Variants in FRY observed in about 807,000 individuals in gnomAD.
The protein encoded by FRY is FRY microtubule binding protein.
A neutral mutation model predicts 348.4 loss-of-function variants in FRY; 128 were observed. The ratio of observed to expected loss-of-function variants is 0.37; its 90% CI spans 0.32 to 0.43. The LOEUF (loss-of-function observed/expected upper bound fraction) is 0.43. FRY is among the 20% of genes least tolerant of loss of function. The pLI, the probability that FRY is intolerant of heterozygous loss-of-function variation, is 1.00. For missense variants in FRY, 2,736 were observed against 3,695.2 expected, an observed-to-expected ratio of 0.74 and a Z score of 6.73; for synonymous variants, 1,370 against 1,374.7, an observed-to-expected ratio of 1.00 and a Z score of 0.08.
intron 1 of FRY, among the ~76,000 whole-genome samples, chr13:32,066,727 A>C (rs1312624444): frequency 6.6e-6 from 1 of 152,100 alleles, no homozygotes; most frequent in South Asian, 2.1e-4. Flanking sequence ...CCCAATTTAC[A>C]CAGCAACATG....
intron 8 of FRY, 24 bp downstream of exon 8, chr13:32,131,864 A>G: frequency 6.3e-7 from 1 of 1,588,976 alleles, no homozygotes; most frequent in Non-Finnish European, 8.6e-7. Context: ...CAGGAGAGCT[A>G]AGGTGCTCTC....
chr13:32,079,461 A>G (rs1185831736), intron 2 of FRY, among the ~76,000 whole-genome samples: 1 of 152,138 alleles, frequency 6.6e-6, no homozygotes, highest in African/African-American at 2.4e-5. Context: ...GTGGACTTCG[A>G]GTTTGAGAAG....
intron 1 of FRY, among the ~76,000 whole-genome samples, chr13:32,057,555 T>C (rs1277320823): frequency 1.3e-5 from 2 of 152,104 alleles, no homozygotes; most frequent in Admixed American, 6.6e-5. Flanking sequence ...CTAAGAACAG[T>C]CCTCCCAGAA....
chr13:32,231,061 G>A (rs1159762082), intron 40 of FRY, 118 bp from the exon 41 acceptor site: 2 of 782,886 alleles, frequency 2.6e-6, no homozygotes, highest in African/African-American at 3.5e-5. Flanking sequence ...ATCTTTGTCA[G>A]ATGCATAGAT....
intron 38 of FRY, 91 bp downstream of exon 38, chr13:32,225,127 T>C: frequency 1.3e-6 from 1 of 794,478 alleles, no homozygotes; most frequent in East Asian, 2.5e-5. Context: ...TGACATCCTG[T>C]TTGACTCATT....
In FRY at chr13:32,127,711, G is replaced by C. The variant is rs548719769; in HGVS notation, c.716+2836G>C. Among the ~76,000 whole-genome samples the C allele has an allele frequency of 2.9e-3, 438 of 152,118 alleles. 2 individuals are homozygous for C. Among genetic ancestry groups the C allele is most frequent in the African/African-American group, 9.9e-3 (412 of 41,500 alleles). On this transcript the variant is annotated intron_variant, in intron 7 of 60. Transcript: ENST00000542859. ...GGAGAATCGCTTGAACCCGGGAGGC[G>C]GAGGTTGTAGTGAGCCGAGATCGTG... is the stretch of plus-strand genomic sequence containing the variant.
chr13:32,227,997 G>A (rs574233682), intron 39 of FRY, among the ~76,000 whole-genome samples: 27 of 152,182 alleles, frequency 1.8e-4, no homozygotes, highest in South Asian at 8.3e-4. Context: ...TGATCCACCC[G>A]CCTCAGCCTC....
chr13:32,085,836 G>A, intron 2 of FRY: 1 of 518,608 alleles, frequency 1.9e-6, no homozygotes, highest in South Asian at 1.4e-5. Context: ...CCTGTCCTGA[G>A]CTCTGCCATG....
At position 32,164,921 on chromosome 13, in the gene FRY, C is replaced by T. The variant is rs144646138; in HGVS notation, c.1892+3670C>T. Among the ~76,000 whole-genome samples, 55 of 152,352 alleles carry T rather than the reference C, an allele frequency of 3.6e-4. 1 individual carries two copies. The highest frequency in any genetic ancestry group is 1.3e-3 in the African/African-American group (54 of 41,576). ...CCTTGTCACTTCCTGCAGTGCTTTGCATGCACCAAGGGCTTGCTGTTGAGT... is the reference window on the plus strand; with the variant it reads ...CCTTGTCACTTCCTGCAGTGCTTTGTATGCACCAAGGGCTTGCTGTTGAGT... On this transcript the variant is annotated intron_variant, in intron 17 of 60. Transcript: ENST00000542859.
intron 30 of FRY, 65 bp from the exon 31 acceptor site, chr13:32,202,291 A>G: frequency 4.8e-6 from 6 of 1,243,882 alleles, no homozygotes; most frequent in Middle Eastern, 2.1e-4. Flanking sequence ...GTTAAATACA[A>G]ATGCTCATGA....
chr13:32,057,423 C>T (rs963410972), intron 1 of FRY, among the ~76,000 whole-genome samples: 2 of 152,104 alleles, frequency 1.3e-5, no homozygotes, highest in Non-Finnish European at 2.9e-5. Context: ...CCACCCACCT[C>T]GGCCTTCCAA....
At chr13:32,094,727 A>T (rs9594922) in intron 2 of FRY, among the ~76,000 whole-genome samples, 3 of 152,166 alleles carry the variant, frequency 2.0e-5, no homozygotes, top group African/African-American at 7.2e-5. Flanking sequence ...TTCATCGTGT[A>T]TATGTGTCAC....
At chr13:32,243,624 T>A (rs192753753) in intron 46 of FRY, among the ~76,000 whole-genome samples, 8 of 152,376 alleles carry the variant, frequency 5.3e-5, no homozygotes, top group Non-Finnish European at 8.8e-5. Flanking sequence ...TTTTATCTTT[T>A]GTTTGAATTT....
chr13:32,178,123 G>A, intron 20 of FRY, 54 bp from the exon 21 acceptor site: 1 of 1,595,372 alleles, frequency 6.3e-7, no homozygotes, highest in Non-Finnish European at 8.6e-7. Context: ...GCCTTGATGA[G>A]GATGGATAAC....
At chr13:32,282,054 AAGGT>A (rs1283561841) in intron 58 of FRY, among the ~76,000 whole-genome samples, 1 of 152,164 alleles carries the variant, frequency 6.6e-6, no homozygotes, top group Non-Finnish European at 1.5e-5. Context: ...TTACACACAA[AAGGT>A]AGGCCTTGAG....
At chr13:32,185,310 G>A (rs1388716895) in intron 26 of FRY, among the ~76,000 whole-genome samples, 162 bp downstream of exon 26, 1 of 152,194 alleles carries the variant, frequency 6.6e-6, no homozygotes, top group Non-Finnish European at 1.5e-5. Context: ...AGAACAGATT[G>A]TCATTACTCA....
intron 19 of FRY, 45 bp downstream of exon 19, chr13:32,173,594 C>A: frequency 7.2e-7 from 1 of 1,383,986 alleles, no homozygotes; most frequent in Non-Finnish European, 1.0e-6. Context: ...ACTTTCAACT[C>A]TTCTGAAATT....
At chr13:32,177,303 T>C (rs905150199) in intron 20 of FRY, among the ~76,000 whole-genome samples, 1 of 152,168 alleles carries the variant, frequency 6.6e-6, no homozygotes, top group Non-Finnish European at 1.5e-5. Context: ...TATGTGGGTA[T>C]CTTGGCCAGG....
intron 1 of FRY, chr13:32,038,600 A>G (rs1363310054): frequency 1.3e-5 from 2 of 152,170 alleles, no homozygotes; most frequent in Non-Finnish European, 2.9e-5. Context: ...GCCATTCATC[A>G]TATTCCTTTT....
Sources: gnomAD v4.1 joint callset for allele counts (sites outside exome capture counted in the v4.1 genomes callset) on GRCh38, gnomAD v4.1.1 for gene constraint, MANE v1.5 for transcripts, NCBI Gene and HGNC (gene_info 2026-07-23, HGNC 2026-07-21) for gene names.